Variants in ZNF462 observed in about 807,000 individuals in gnomAD.
ZNF462 encodes the protein zinc finger protein 462.
In ZNF462, 10 loss-of-function variants were observed where a neutral mutation model predicts 201.9. The observed-to-expected ratio is 0.05, with a 90% CI of 0.03 to 0.08. The LOEUF is 0.08. Ranked by LOEUF, ZNF462 falls within the 10% of genes least tolerant of loss-of-function variation. The probability of loss-of-function intolerance (pLI) is 1.00; values close to 1 mark genes in which losing one functional copy is unlikely to be tolerated. For missense variants in ZNF462, 2,523 were observed against 3,168.3 expected, an observed-to-expected ratio of 0.80 and a Z score of 4.89; for synonymous variants, 1,227 against 1,193.3, an observed-to-expected ratio of 1.03 and a Z score of -0.58.
intron 10 of ZNF462, among the ~76,000 whole-genome samples, chr9:106,991,899 G>T (rs1019734661): frequency 6.7e-6 from 1 of 148,486 alleles, no homozygotes; most frequent in Non-Finnish European, 1.5e-5. Flanking sequence ...AAAATGGACC[G>T]TAAGCTTAAA....
Position 106,940,600 on chromosome 9 carries a change from CA to C in ZNF462, c.6427+1495del, listed in dbSNP as rs1830825473. Among the ~76,000 whole-genome samples, 3 of 152,126 alleles carry C rather than the reference CA, an allele frequency of 2.0e-5. No homozygotes were observed. In the South Asian group the frequency reaches 6.2e-4, roughly 32 times the overall value. ...TCCTTTGCAAATCATTTATAGTGTT[CA>C]ACACTATAGCTCCTTACTGGTGTCC... On this transcript the variant is annotated intron_variant, in intron 7 of 12. Transcript: ENST00000277225.
Position 106,972,313 on chromosome 9 carries a change from G to A in ZNF462, c.6695+41G>A, listed in dbSNP as rs749533749. Reference sequence around the variant, plus strand: ...AACAGCTATGGAAAACAAGGCGGCCGCCCCTGCTCCACCCCTCACTGCAGG... The same window carrying A: ...AACAGCTATGGAAAACAAGGCGGCCACCCCTGCTCCACCCCTCACTGCAGG... On this transcript the variant is annotated intron_variant, in intron 8 of 12. Transcript: ENST00000277225. This position sits in a 1 kb window ranked among gnomAD's most constrained non-coding sequence, Gnocchi z 4.8. 10 of 1,586,990 alleles carry A rather than the reference G, an allele frequency of 6.3e-6. No homozygotes were observed. Among genetic ancestry groups the A allele is most frequent in the East Asian group, 2.2e-5 (1 of 44,694 alleles).
intron 7 of ZNF462, among the ~76,000 whole-genome samples, chr9:106,965,033 A>G (rs1832007685): frequency 6.6e-6 from 1 of 152,082 alleles, no homozygotes. Context: ...TATGAGGTAT[A>G]ATGAGATCAG....
chr9:106,925,094 A>C lies in ZNF462; in HGVS notation c.1182A>C (p.Glu394Asp), dbSNP rs377415803. ...NDSSSDEELN[E>D]IDSENGLSAM... ...CTAGTTCTGATGAAGAGTTAAATGA[A>C]ATAGACAGTGAGAATGGTTTAAGTG... The change falls in exon 3 of 13, where the codon GAA (glutamate) becomes GAC (aspartate). Residue 394 changes from glutamate (E) to aspartate (D), a missense_variant. This residue lies in a region of ZNF462 where 480 missense variants were observed against 544.4 expected (regional missense o/e 0.88). Coordinates refer to ENST00000277225, the MANE Select transcript of ZNF462 (RefSeq NM_021224.6). This position sits in a 1 kb window ranked among gnomAD's most constrained non-coding sequence, Gnocchi z 7.9. 3.1e-6 allele frequency: 5 copies of C among 1,614,046 alleles called. No individual in the cohort carries two copies. The African/African-American group carries it at 6.7e-5, about 22-fold the overall frequency.
intron 1 of ZNF462, among the ~76,000 whole-genome samples, chr9:106,906,355 A>G (rs1033090880): frequency 1.3e-5 from 2 of 152,160 alleles, no homozygotes; most frequent in African/African-American, 4.8e-5. Context: ...TCACAATGCA[A>G]GCCTCCGCAT....
At position 106,872,237 on chromosome 9, in the gene ZNF462, G is replaced by C. The variant is rs1332217191; in HGVS notation, c.-31+8882G>C. Among the ~76,000 whole-genome samples, 1 of 152,164 alleles carries C rather than the reference G, an allele frequency of 6.6e-6. No homozygotes were observed. The highest frequency in any genetic ancestry group is 2.4e-5 in the African/African-American group (1 of 41,444). ...TGAAGATGACCAAAGATAGATACCAGCTACAAGTACTTATCACCCAGAATC... is the reference window on the plus strand; with the variant it reads ...TGAAGATGACCAAAGATAGATACCACCTACAAGTACTTATCACCCAGAATC... On this transcript the variant is annotated intron_variant, in intron 1 of 12. Transcript: ENST00000277225. This position sits in a 1 kb window ranked among gnomAD's most constrained non-coding sequence, Gnocchi z 4.5.
rs1467918211 is a variant in ZNF462 at position 107,010,528 on chromosome 9, AAATGATTATGC to A, written c.7314-294_7314-284del. ...ATGACCCAGTAGAGAAAGTGACATAAAATGATTATGCTTATCTAGAAAGAAAACATGGGATA... is the reference window on the plus strand; with the variant it reads ...ATGACCCAGTAGAGAAAGTGACATAATTATCTAGAAAGAAAACATGGGATA... On this transcript the variant is annotated intron_variant, in intron 12 of 12. Transcript: ENST00000277225. The surrounding 1 kb of genome is among the most constrained non-coding windows in gnomAD (Gnocchi z 4.6). Among the ~76,000 whole-genome samples, 18 of 152,174 alleles carry A rather than the reference AAATGATTATGC, an allele frequency of 1.2e-4. No individual in the cohort carries two copies. The highest frequency in any genetic ancestry group is 3.9e-4 in the African/African-American group (16 of 41,444).
chr9:106,945,555 T>C lies in ZNF462; in HGVS notation c.6427+6448T>C, dbSNP rs116459994. On this transcript the variant is annotated intron_variant, in intron 7 of 12. Transcript: ENST00000277225. ...GGAGACTCCCAAGTGAATAATTAATTGTAAAATACAAAAATTTACATCGTT... is the reference window on the plus strand; with the variant it reads ...GGAGACTCCCAAGTGAATAATTAATCGTAAAATACAAAAATTTACATCGTT... Among the ~76,000 whole-genome samples, 954 of 152,296 alleles carry C rather than the reference T, an allele frequency of 6.3e-3. 7 individuals are homozygous for C. The highest frequency in any genetic ancestry group is 0.022 in the African/African-American group (910 of 41,570).
intron 9 of ZNF462, among the ~76,000 whole-genome samples, chr9:106,983,215 TAAAC>T (rs1412216483): frequency 6.6e-6 from 1 of 152,138 alleles, no homozygotes; most frequent in African/African-American, 2.4e-5. Context: ...GAGTGCAAAA[TAAAC>T]AAGCACACGC....
At chr9:106,874,670 T>A (rs1827749588) in intron 1 of ZNF462, among the ~76,000 whole-genome samples, 1 of 152,114 alleles carries the variant, frequency 6.6e-6, no homozygotes, top group South Asian at 2.1e-4. Flanking sequence ...TTTAAGGAGG[T>A]GGAATTGTAT....
intron 1 of ZNF462, among the ~76,000 whole-genome samples, chr9:106,869,268 T>C (rs1827482806): frequency 6.6e-6 from 1 of 152,228 alleles, no homozygotes; most frequent in Non-Finnish European, 1.5e-5. Flanking sequence ...TTTCCAATGT[T>C]CTTACTCATT....
intron 7 of ZNF462, among the ~76,000 whole-genome samples, chr9:106,941,500 A>G (rs1003705185): frequency 6.6e-6 from 1 of 152,202 alleles, no homozygotes; most frequent in Non-Finnish European, 1.5e-5. Context: ...ATAATTTGCA[A>G]TATATAAAAG....
rs977262987 is a variant in ZNF462 at position 107,013,630 on chromosome 9, A to C, written c.*2600A>C. ...GAAATTAATAAAGAATTTTTTTCAC[A>C]TGTGTCTATGTGCATCTGTTGTAAA... On this transcript the variant is annotated 3_prime_UTR_variant, in exon 13 of 13. Coordinates refer to ENST00000277225, the MANE Select transcript of ZNF462 (RefSeq NM_021224.6). 1.3e-5 allele frequency: 2 copies of C among 152,098 alleles called. No individual in the cohort carries two copies. Among genetic ancestry groups the C allele is most frequent in the African/African-American group, 4.8e-5 (2 of 41,464 alleles). 9.4% of individuals were successfully genotyped at this position (152,098 alleles called of 1,614,324 possible).
chr9:106,881,312 T>C (rs1828086568), intron 1 of ZNF462, among the ~76,000 whole-genome samples: 3 of 152,172 alleles, frequency 2.0e-5, no homozygotes, highest in Admixed American at 2.0e-4. Context: ...GGGACCCTTT[T>C]CTGTCAGTAT....
At chr9:106,943,256 T>C (rs912669002) in intron 7 of ZNF462, among the ~76,000 whole-genome samples, 1 of 152,196 alleles carries the variant, frequency 6.6e-6, no homozygotes. Context: ...AATTTCCTTT[T>C]GTACCGATTT....
chr9:106,943,055 CGCGCGTGTGTGTGTGTGT>C (rs1275794987), intron 7 of ZNF462, among the ~76,000 whole-genome samples: 3 of 81,128 alleles, frequency 3.7e-5, no homozygotes, highest in African/African-American at 1.6e-4. Context: ...TTGTTTTGCG[CGCGCGTGTGTGTGTGTGT>C]GTGTGTGTGT....
chr9:106,949,977 T>G (rs1417839439), intron 7 of ZNF462, among the ~76,000 whole-genome samples: 1 of 152,180 alleles, frequency 6.6e-6, no homozygotes, highest in Non-Finnish European at 1.5e-5. Flanking sequence ...TGGGTGGATC[T>G]CCTTCCCCAT....
intron 8 of ZNF462, among the ~76,000 whole-genome samples, chr9:106,973,518 G>A (rs1389776227): frequency 6.6e-6 from 1 of 152,210 alleles, no homozygotes; most frequent in Non-Finnish European, 1.5e-5. Context: ...CAACACTCGG[G>A]TTCACAAGAA....
At position 106,925,464 on chromosome 9, in the gene ZNF462, G is replaced by A. The variant is rs772717599; in HGVS notation, c.1552G>A (p.Val518Met). 1.9e-6 allele frequency: 3 copies of A among 1,614,040 alleles called. No homozygotes were observed. The highest frequency in any genetic ancestry group is 2.5e-6 in the Non-Finnish European group (3 of 1,180,050). ...TTCTTCCTCACTGAATGAAGGTGTG[G>A]TGTCTTATGAGAGCTCAAGCATCAA... ...SISSSLNEGVVSYESSSINGR... is the reference protein window; with the variant it reads ...SISSSLNEGVMSYESSSINGR... The change falls in exon 3 of 13, where the codon GTG (valine) becomes ATG (methionine). Residue 518 changes from valine (V) to methionine (M), a missense_variant. By Grantham distance (21) the Val-to-Met change is conservative. Transcript: ENST00000277225. This position sits in a 1 kb window ranked among gnomAD's most constrained non-coding sequence, Gnocchi z 7.9.
Sources: gnomAD v4.1 joint callset for allele counts (sites outside exome capture counted in the v4.1 genomes callset) on GRCh38, gnomAD v4.1.1 for gene constraint, gnomAD v4.1.1 regional missense constraint, Gnocchi (gnomAD v3.1) non-coding constraint, MANE v1.5 for transcripts, NCBI Gene and HGNC (gene_info 2026-07-23, HGNC 2026-07-21) for gene names.